DSCAML1: variants seen among roughly 807,000 people sequenced by gnomAD.
DSCAML1 encodes the protein cell adhesion molecule DSCAML1.
DSCAML1 carries 38 observed loss-of-function variants against 200.5 expected under a neutral mutation model. The ratio of observed to expected loss-of-function variants is 0.19; its 90% CI spans 0.15 to 0.25. The LOEUF is 0.25. Among genes scored for constraint, DSCAML1 ranks in the 10% least tolerant of loss-of-function variants. The pLI is 1.00. For missense variants in DSCAML1, 2,223 were observed against 2,858.8 expected, an observed-to-expected ratio of 0.78 and a Z score of 5.07; for synonymous variants, 1,215 against 1,165.0, an observed-to-expected ratio of 1.04 and a Z score of -0.87.
At position 117,512,799 on chromosome 11, in the gene DSCAML1, A is replaced by C. The variant is rs4433600; in HGVS notation, c.1783+3668T>G. Among the ~76,000 whole-genome samples, 831 of 137,458 alleles carry C rather than the reference A, an allele frequency of 6.0e-3. 11 individuals are homozygous for C. The highest frequency in any genetic ancestry group is 0.035 in the South Asian group (145 of 4,134). 90.2% of individuals were successfully genotyped at this position (137,458 alleles called of 152,430 possible). On this transcript the variant is annotated intron_variant, in intron 8 of 32. Transcript: ENST00000651296. Reference sequence around the variant, plus strand: ...CACACACACACACACACACACACACACACCCCTCCCCTTCCCCCCACTTCC... The same window carrying C: ...CACACACACACACACACACACACACCCACCCCTCCCCTTCCCCCCACTTCC...
upstream of DSCAML1, chr11:117,797,222 GGCGGC>G: frequency 6.7e-7 from 1 of 1,485,404 alleles, no homozygotes; most frequent in Non-Finnish European, 8.9e-7. Context: ...CGGCTGCGGC[GGCGGC>G]TCCTCCCTCC....
chr11:117,596,385 A>AG (rs35205737), intron 3 of DSCAML1, among the ~76,000 whole-genome samples: 35,828 of 142,706 alleles, frequency 0.25, 4,349 homozygotes, highest in South Asian at 0.38. Context: ...CATTCTTCTC[A>AG]GGAAAAAAAA....
At chr11:117,537,362 C>T (rs557053) in intron 3 of DSCAML1, among the ~76,000 whole-genome samples, 69,914 of 152,072 alleles carry the variant, frequency 0.46, 17,123 homozygotes, top group African/African-American at 0.62. Context: ...CCATGGAAGG[C>T]GTGGCCGTCA....
intron 6 of DSCAML1, among the ~76,000 whole-genome samples, chr11:117,519,921 G>C (rs1414107862): frequency 6.6e-6 from 1 of 152,218 alleles, no homozygotes; most frequent in African/African-American, 2.4e-5. Flanking sequence ...CCTTCAAGGA[G>C]TGCAGACCCA....
At chr11:117,614,502 C>T (rs1458562425) in intron 3 of DSCAML1, among the ~76,000 whole-genome samples, 2 of 152,198 alleles carry the variant, frequency 1.3e-5, no homozygotes, top group Non-Finnish European at 2.9e-5. Context: ...CAGTTGTCTC[C>T]ATTGATTCTC....
In DSCAML1 at chr11:117,469,449, T is replaced by C. The variant is rs1437334286; in HGVS notation, c.3024+461A>G. Among the ~76,000 whole-genome samples, 1 of 152,216 alleles carries C rather than the reference T, an allele frequency of 6.6e-6. No homozygotes were observed. The highest frequency in any genetic ancestry group is 1.5e-5 in the Non-Finnish European group (1 of 68,046). On this transcript the variant is annotated intron_variant, in intron 16 of 32. Transcript: ENST00000651296. This position sits in a 1 kb window ranked among gnomAD's most constrained non-coding sequence, Gnocchi z 4.1. ...CCCTATATTTTACAGGTCTTTGCCC[T>C]TAGAAATGGCTATAGCACATAGTGG...
At chr11:117,441,359 A>T (rs1172790416) in intron 21 of DSCAML1, among the ~76,000 whole-genome samples, 1 of 152,196 alleles carries the variant, frequency 6.6e-6, no homozygotes, top group African/African-American at 2.4e-5. Flanking sequence ...GCCTGGACCA[A>T]AGACGCTGAT....
chr11:117,763,005 G>A (rs764564389), intron 3 of DSCAML1, among the ~76,000 whole-genome samples: 10 of 152,018 alleles, frequency 6.6e-5, no homozygotes, highest in Non-Finnish European at 8.8e-5. Context: ...AGATCCCCAC[G>A]TTGCTTAAAC....
At chr11:117,717,794 C>T (rs116336064) in intron 3 of DSCAML1, among the ~76,000 whole-genome samples, 252 of 152,256 alleles carry the variant, frequency 1.7e-3, no homozygotes, top group African/African-American at 5.6e-3. Flanking sequence ...ATTGATGATG[C>T]CCTGAAACCA....
At chr11:117,597,348 G>T (rs181188063) in intron 3 of DSCAML1, among the ~76,000 whole-genome samples, 1 of 152,156 alleles carries the variant, frequency 6.6e-6, no homozygotes. Context: ...GAAGCAAACT[G>T]GGGGGCAGGT....
At chr11:117,490,819 A>G (rs1186228444) in intron 11 of DSCAML1, among the ~76,000 whole-genome samples, 4 of 151,980 alleles carry the variant, frequency 2.6e-5, no homozygotes, top group Non-Finnish European at 5.9e-5. Context: ...TCACATGGAG[A>G]GATTCTGGGG....
intron 18 of DSCAML1, 36 bp from the exon 19 acceptor site, chr11:117,458,945 C>T: frequency 6.2e-7 from 1 of 1,602,230 alleles, no homozygotes; most frequent in Non-Finnish European, 8.5e-7. Flanking sequence ...GACCCAGCTC[C>T]ATCGGGCTGT....
At chr11:117,810,703 T>A (rs2055753706) in intron 1 of DSCAML1, among the ~76,000 whole-genome samples, 2 of 152,190 alleles carry the variant, frequency 1.3e-5, no homozygotes, top group Admixed American at 1.3e-4. Context: ...CGACAGTAGT[T>A]CCAAATAGCC....
intron 3 of DSCAML1, among the ~76,000 whole-genome samples, chr11:117,589,724 C>A (rs1338366507): frequency 1.3e-5 from 2 of 152,196 alleles, no homozygotes; most frequent in Admixed American, 6.5e-5. Flanking sequence ...GGAAAGCTTT[C>A]AAACGGGGAA....
chr11:117,437,027 T>C lies in DSCAML1; in HGVS notation c.4720+95A>G. The C allele has an allele frequency of 1.4e-6, 2 of 1,471,470 alleles. No individual in the cohort carries two copies. Among genetic ancestry groups the C allele is most frequent in the Non-Finnish European group, 1.8e-6 (2 of 1,099,264 alleles). The allele number at this position is 1,471,470 out of a possible 1,614,324, so 91.2% of individuals were successfully genotyped here. ...ACCTGCATTCCTGCCTGTTTTTCTA[T>C]TAGTCTGTCTCTTTATGTATCTGCC... On this transcript the variant is annotated intron_variant, in intron 26 of 32. Coordinates refer to ENST00000651296, the MANE Select transcript of DSCAML1 (RefSeq NM_020693.4). This position sits in a 1 kb window ranked among gnomAD's most constrained non-coding sequence, Gnocchi z 5.3.
intron 3 of DSCAML1, among the ~76,000 whole-genome samples, chr11:117,590,401 C>G (rs2051236825): frequency 6.6e-6 from 1 of 151,816 alleles, no homozygotes; most frequent in African/African-American, 2.4e-5. Flanking sequence ...CATGCACCAC[C>G]TAGAATTGCC....
chr11:117,791,760 G>C (rs2134071479), intron 1 of DSCAML1, among the ~76,000 whole-genome samples: 1 of 152,228 alleles, frequency 6.6e-6, no homozygotes, highest in East Asian at 1.9e-4. Context: ...GGCCAAAAAT[G>C]TGGCTGATTA....
At chr11:117,456,897 A>T (rs1450940297) in intron 19 of DSCAML1, among the ~76,000 whole-genome samples, 7 of 151,328 alleles carry the variant, frequency 4.6e-5, no homozygotes, top group Non-Finnish European at 8.9e-5. Flanking sequence ...CTGGTCTCGC[A>T]CTCCTGACCT....
chr11:117,622,171 C>T (rs1391012479), intron 3 of DSCAML1, among the ~76,000 whole-genome samples: 3 of 151,816 alleles, frequency 2.0e-5, no homozygotes, highest in African/African-American at 7.3e-5. Flanking sequence ...ATTTTTTTTC[C>T]CAGCAGATCC....
Sources: gnomAD v4.1 joint callset for allele counts (sites outside exome capture counted in the v4.1 genomes callset) on GRCh38, gnomAD v4.1.1 for gene constraint, Gnocchi (gnomAD v3.1) non-coding constraint, MANE v1.5 for transcripts, NCBI Gene and HGNC (gene_info 2026-07-23, HGNC 2026-07-21) for gene names.